Variants in SCNN1D observed in about 807,000 individuals in gnomAD.
SCNN1D encodes epithelial sodium channel subunit delta.
In SCNN1D, 104 loss-of-function variants were observed where a neutral mutation model predicts 87.8. The ratio of observed to expected loss-of-function variants is 1.18; its 90% CI spans 1.01 to 1.39. SCNN1D has a LOEUF of 1.39. Among genes scored for constraint, SCNN1D ranks in the 40% most tolerant of loss-of-function variants. The pLI is 0.00. For synonymous variants in SCNN1D, 628 were observed against 481.2 expected (o/e 1.31, Z -3.99); for missense variants, 1,324 against 1,093.9 (o/e 1.21, Z -2.97).
In SCNN1D at chr1:1,280,602, A is replaced by T; in HGVS notation, c.-60A>T. 1.4e-6 allele frequency: 1 copy of T among 694,664 alleles called. No homozygotes were observed. The highest frequency in any genetic ancestry group is 2.0e-5 in the Admixed American group (1 of 49,890). The allele number at this position is 694,664 out of a possible 1,614,324, so 43.0% of individuals were successfully genotyped here. ...AGAGAATCAACTATAAATGCTTCTC[A>T]TCAGACTCAAGGCCTGAGGTGATGC... is the stretch of plus-strand genomic sequence containing the variant. On this transcript the variant is annotated 5_prime_UTR_variant, in exon 1 of 18. Coordinates refer to ENST00000379116, the MANE Select transcript of SCNN1D (RefSeq NM_001130413.4).
chr1:1,284,798 TCA>T (rs1640553234), intron 5 of SCNN1D, among the ~76,000 whole-genome samples: 1 of 152,052 alleles, frequency 6.6e-6, no homozygotes. Context: ...TAGTCCTGTC[TCA>T]CACACACGCG....
intron 5 of SCNN1D, among the ~76,000 whole-genome samples, 155 bp from the exon 6 acceptor site, chr1:1,285,416 C>G (rs1055020604): frequency 6.6e-6 from 1 of 152,254 alleles, no homozygotes; most frequent in Non-Finnish European, 1.5e-5. Flanking sequence ...GCTTCCTGGA[C>G]TTGGCTGGAT....
intron 6 of SCNN1D, 68 bp from the exon 7 acceptor site, chr1:1,285,858 G>A: frequency 6.9e-7 from 1 of 1,440,540 alleles, no homozygotes; most frequent in South Asian, 1.3e-5. Context: ...TGACAGACAT[G>A]ACAGGCCCAG....
chr1:1,290,978 G>T, intron 16 of SCNN1D, 25 bp downstream of exon 16: 1 of 1,599,062 alleles, frequency 6.3e-7, no homozygotes, highest in Non-Finnish European at 8.5e-7. Context: ...CCCCTCCAGA[G>T]AGGCATCACA....
Position 1,291,672 on chromosome 1 carries a change from G to T in SCNN1D, c.*62G>T, listed in dbSNP as rs548275157. 7.5e-6 allele frequency: 10 copies of T among 1,327,498 alleles called. No individual in the cohort carries two copies. The highest frequency in any genetic ancestry group is 1.0e-5 in the Non-Finnish European group (10 of 984,874). 82.2% of individuals were successfully genotyped at this position (1,327,498 alleles called of 1,614,324 possible). ...GTCCTTGCAGCTGTGGCAGCAGCAGGCTCCCCAGCGGCCCAGGGTGGGCCA... is the reference window on the plus strand; with the variant it reads ...GTCCTTGCAGCTGTGGCAGCAGCAGTCTCCCCAGCGGCCCAGGGTGGGCCA... On this transcript the variant is annotated 3_prime_UTR_variant, in exon 18 of 18. Transcript: ENST00000379116.
At chr1:1,283,414 C>T (rs113265331) in intron 4 of SCNN1D, among the ~76,000 whole-genome samples, 1,599 of 152,250 alleles carry the variant, frequency 0.011, 10 homozygotes, top group East Asian at 0.016. Context: ...GATGGGGCTT[C>T]TGGGCCGGGC....
intron 12 of SCNN1D, 57 bp downstream of exon 12, chr1:1,288,094 T>A (rs912809101): frequency 2.5e-6 from 1 of 401,596 alleles, no homozygotes; most frequent in African/African-American, 2.9e-5. Context: ...GGCCAGGGGG[T>A]GTGGGCGGGT....
At chr1:1,286,731 G>C in intron 7 of SCNN1D, 37 bp from the exon 8 acceptor site, 2 of 1,594,054 alleles carry the variant, frequency 1.3e-6, no homozygotes, top group Non-Finnish European at 1.7e-6. Context: ...GTGAGGCCCC[G>C]GGCCGGCAAC....
At chr1:1,281,780 G>A (rs970835885) in intron 3 of SCNN1D, 170 bp downstream of exon 3, 14 of 640,426 alleles carry the variant, frequency 2.2e-5, no homozygotes, top group African/African-American at 3.7e-5. Flanking sequence ...ACAGGAAGCC[G>A]GGGGCCTTGC....
At position 1,291,778 on chromosome 1, in the gene SCNN1D, A is replaced by G. The variant is rs1019314863; in HGVS notation, c.*168A>G. On this transcript the variant is annotated 3_prime_UTR_variant, in exon 18 of 18. Coordinates refer to ENST00000379116, the MANE Select transcript of SCNN1D (RefSeq NM_001130413.4). Reference sequence around the variant, plus strand: ...GTCGGCGCCTCTGGTCAAACCACCTACACTGCCTGGGGTGGGTCTCAAGGA... The same window carrying G: ...GTCGGCGCCTCTGGTCAAACCACCTGCACTGCCTGGGGTGGGTCTCAAGGA... 2.0e-6 allele frequency: 1 copy of G among 507,768 alleles called. No individual in the cohort carries two copies. Among genetic ancestry groups the G allele is most frequent in the Non-Finnish European group, 3.4e-6 (1 of 296,102 alleles). The allele number at this position is 507,768 out of a possible 1,614,324, so 31.5% of individuals were successfully genotyped here. A position where few individuals can be genotyped will look rare whatever the true frequency, so the allele number is the denominator to read the frequency against.
rs532469927 is a variant in SCNN1D at position 1,288,228 on chromosome 1, T to C, written c.1662+191T>C. ...CTGTGTCTCTGCTCCGTCCCGTGTC[T>C]CTGCTCCGTCCCGTGTCTCTGCTCC... is the stretch of plus-strand genomic sequence containing the variant. On this transcript the variant is annotated intron_variant, in intron 12 of 17. Coordinates refer to ENST00000379116, the MANE Select transcript of SCNN1D (RefSeq NM_001130413.4). 0.035 allele frequency among the ~76,000 whole-genome samples: 4,444 copies of C among 127,172 alleles called. 293 individuals are homozygous for C. The East Asian group carries it at 0.37, about 11-fold the overall frequency. The allele number at this position is 127,172 out of a possible 152,430, so 83.4% of individuals were successfully genotyped here.
At position 1,291,122 on chromosome 1, in the gene SCNN1D, G is replaced by C; in HGVS notation, c.2034G>C (p.Glu678Asp). The C allele has an allele frequency of 6.2e-7, 1 of 1,612,154 alleles. No homozygotes were observed. Among genetic ancestry groups the C allele is most frequent in the Non-Finnish European group, 8.5e-7 (1 of 1,179,738 alleles). The change falls in exon 17 of 18, where the codon GAG (glutamate) becomes GAC (aspartate). Residue 678 changes from glutamate to aspartate, a missense_variant. Physicochemically the swap from Glu to Asp is conservative, Grantham distance 45 (BLOSUM62 2). Coordinates refer to ENST00000379116, the MANE Select transcript of SCNN1D (RefSeq NM_001130413.4). ...AGGAGCTCAACTACCGCTCAGTGGAGGAGGCGCCCGTGTACTCGGTGAGCC... is the reference window on the plus strand; with the variant it reads ...AGGAGCTCAACTACCGCTCAGTGGACGAGGCGCCCGTGTACTCGGTGAGCC... The part of the protein sequence containing the change: ...VYQELNYRSV[E>D]EAPVYSVPQL...
chr1:1,282,359 A>T, intron 4 of SCNN1D, 44 bp downstream of exon 4: 1 of 1,546,244 alleles, frequency 6.5e-7, no homozygotes, highest in South Asian at 1.2e-5. Context: ...CTGCTGCTGG[A>T]CCCTGTGGGG....
rs1370144838 is a variant in SCNN1D at position 1,288,330 on chromosome 1, C to T, written c.1662+293C>T. ...TCCGTCCCGTGTCCCTGCTCCGTCC[C>T]GTGTCTCTGCCCCGTCCCCCGTGTC... On this transcript the variant is annotated intron_variant, in intron 12 of 17. Coordinates refer to ENST00000379116, the MANE Select transcript of SCNN1D (RefSeq NM_001130413.4). Among the ~76,000 whole-genome samples, 13 of 81,518 alleles carry T rather than the reference C, an allele frequency of 1.6e-4. 1 individual carries two copies. Among genetic ancestry groups the T allele is most frequent in the Non-Finnish European group, 2.5e-4 (13 of 51,156 alleles). 53.5% of individuals were successfully genotyped at this position (81,518 alleles called of 152,430 possible). A position where few individuals can be genotyped will look rare whatever the true frequency, so the allele number is the denominator to read the frequency against.
intron 15 of SCNN1D, 62 bp from the exon 16 acceptor site, chr1:1,290,833 T>C (rs1640784866): frequency 5.0e-6 from 8 of 1,592,692 alleles, no homozygotes; most frequent in Non-Finnish European, 6.9e-6. Flanking sequence ...CATCCGCCCG[T>C]GGTACCCAGG....
chr1:1,284,224 G>C, intron 5 of SCNN1D, 134 bp downstream of exon 5: 1 of 78,442 alleles, frequency 1.3e-5, no homozygotes, highest in Non-Finnish European at 2.6e-5. Context: ...GAGGGGGTTG[G>C]GGTTGGGGGG....
chr1:1,285,066 G>A (rs1239038535), intron 5 of SCNN1D, among the ~76,000 whole-genome samples: 2 of 152,222 alleles, frequency 1.3e-5, no homozygotes, highest in African/African-American at 4.8e-5. Context: ...GACGCAGGGT[G>A]AGCAGAGCCA....
chr1:1,290,245 T>A (rs762881239), intron 12 of SCNN1D, 26 bp from the exon 13 acceptor site: 1 of 1,508,488 alleles, frequency 6.6e-7, no homozygotes, highest in Admixed American at 2.0e-5. Flanking sequence ...CCATCCCATG[T>A]CCCTGCTCAT....
intron 4 of SCNN1D, 136 bp from the exon 5 acceptor site, chr1:1,283,842 A>T (rs182440831): frequency 4.2e-6 from 2 of 471,662 alleles, no homozygotes; most frequent in East Asian, 9.1e-5. Flanking sequence ...GATGGGAAAG[A>T]TTTCACCTGC....
Sources: gnomAD v4.1 joint callset for allele counts (sites outside exome capture counted in the v4.1 genomes callset) on GRCh38, gnomAD v4.1.1 for gene constraint, MANE v1.5 for transcripts, NCBI Gene and HGNC (gene_info 2026-07-23, HGNC 2026-07-21) for gene names.